Variants in DLG2 observed in about 807,000 individuals in gnomAD.
DLG2 encodes the protein disks large homolog 2.
DLG2 carries 45 observed loss-of-function variants against 132.5 expected under a neutral mutation model. The ratio of observed to expected loss-of-function variants is 0.34; its 90% CI spans 0.27 to 0.44. The LOEUF (loss-of-function observed/expected upper bound fraction) is 0.44, where lower values mean the gene tolerates loss of function less well. Ranked by LOEUF, DLG2 falls within the 20% of genes least tolerant of loss-of-function variation. The pLI, the probability that DLG2 is intolerant of heterozygous loss-of-function variation, is 1.00. For synonymous variants in DLG2, 424 were observed against 419.6 expected (o/e 1.01, Z -0.13); for missense variants, 1,045 against 1,196.9 (o/e 0.87, Z 1.87).
At chr11:84,962,998 C>G (rs1329078496) in intron 6 of DLG2, among the ~76,000 whole-genome samples, 2 of 152,160 alleles carry the variant, frequency 1.3e-5, no homozygotes, top group Admixed American at 1.3e-4. Flanking sequence ...TATCTCTTAT[C>G]CCTTACCTTC....
intron 6 of DLG2, among the ~76,000 whole-genome samples, chr11:84,868,225 T>C (rs1310881893): frequency 1.3e-5 from 2 of 150,758 alleles, no homozygotes; most frequent in Non-Finnish European, 2.9e-5. Context: ...GTTTATTTTA[T>C]TAGGTCTCTT....
chr11:84,269,393 T>C (rs2097690329), intron 7 of DLG2, among the ~76,000 whole-genome samples: 1 of 152,268 alleles, frequency 6.6e-6, no homozygotes, highest in Admixed American at 6.5e-5. Flanking sequence ...CCACTTGGAA[T>C]GTCCTCTTCT....
intron 7 of DLG2, among the ~76,000 whole-genome samples, chr11:84,276,822 C>T (rs2097787509): frequency 6.6e-6 from 1 of 152,172 alleles, no homozygotes; most frequent in Non-Finnish European, 1.5e-5. Context: ...ATGACAATTG[C>T]ACTTCCAGTA....
intron 10 of DLG2, among the ~76,000 whole-genome samples, chr11:84,091,208 T>A (rs1254177906): frequency 6.6e-6 from 1 of 152,236 alleles, no homozygotes; most frequent in East Asian, 1.9e-4. Context: ...AGAAGTTCTA[T>A]CAGAAAATGG....
At chr11:84,001,496 A>G (rs889364857) in intron 11 of DLG2, among the ~76,000 whole-genome samples, 3 of 152,114 alleles carry the variant, frequency 2.0e-5, no homozygotes, top group Admixed American at 6.5e-5. Flanking sequence ...TTCTAATACA[A>G]TAATAGTGGG....
intron 6 of DLG2, among the ~76,000 whole-genome samples, chr11:84,884,827 T>A (rs1257449229): frequency 1.3e-5 from 2 of 152,112 alleles, no homozygotes; most frequent in African/African-American, 2.4e-5. Flanking sequence ...ATTACAACAA[T>A]AAACAATTCA....
intron 7 of DLG2, among the ~76,000 whole-genome samples, chr11:84,401,401 T>G (rs141133952): frequency 6.6e-6 from 1 of 152,122 alleles, no homozygotes; most frequent in Non-Finnish European, 1.5e-5. Context: ...ACCCCTGGAC[T>G]GTCTCTTCAA....
chr11:84,655,513 A>T (rs1036084447), intron 6 of DLG2, among the ~76,000 whole-genome samples: 1 of 152,180 alleles, frequency 6.6e-6, no homozygotes, highest in Non-Finnish European at 1.5e-5. Context: ...AAGCAAAAAA[A>T]ATACTAAGTC....
intron 18 of DLG2, among the ~76,000 whole-genome samples, chr11:83,741,922 C>A (rs895521811): frequency 6.6e-6 from 1 of 151,820 alleles, no homozygotes; most frequent in Non-Finnish European, 1.5e-5. Flanking sequence ...GGCTGAGAAC[C>A]TTTCCCTGAC....
chr11:83,468,819 A>G (rs1322441043), intron 25 of DLG2, among the ~76,000 whole-genome samples: 1 of 152,146 alleles, frequency 6.6e-6, no homozygotes, highest in Admixed American at 6.5e-5. Context: ...CTCTTCTACC[A>G]TGAGGATGTC....
chr11:85,139,125 A>G (rs1366751851), intron 5 of DLG2, among the ~76,000 whole-genome samples: 2 of 152,028 alleles, frequency 1.3e-5, no homozygotes, highest in Non-Finnish European at 2.9e-5. Context: ...TCTCCATTAC[A>G]TCATCCCAGT....
chr11:85,031,784 ATATT>A (rs1232999309), intron 6 of DLG2, among the ~76,000 whole-genome samples: 3 of 151,712 alleles, frequency 2.0e-5, no homozygotes, highest in Admixed American at 1.3e-4. Context: ...GTAGTCATAA[ATATT>A]TATTTATTTA....
At chr11:84,237,392 ATTGTT>A (rs1167983710) in intron 8 of DLG2, among the ~76,000 whole-genome samples, 1 of 152,166 alleles carries the variant, frequency 6.6e-6, no homozygotes, top group Non-Finnish European at 1.5e-5. Context: ...ATAATGCGCT[ATTGTT>A]TATTCGTTCC....
chr11:84,889,489 C>A (rs2154061779), intron 6 of DLG2, among the ~76,000 whole-genome samples: 1 of 152,164 alleles, frequency 6.6e-6, no homozygotes, highest in Admixed American at 6.6e-5. Flanking sequence ...TTCCTACAAA[C>A]AACCATTACT....
chr11:84,123,473 A>G (rs2094020102), intron 9 of DLG2, among the ~76,000 whole-genome samples: 1 of 152,194 alleles, frequency 6.6e-6, no homozygotes, highest in Non-Finnish European at 1.5e-5. Context: ...GCTGAACCCT[A>G]GAATCAAGGT....
intron 4 of DLG2, among the ~76,000 whole-genome samples, chr11:85,243,609 T>C (rs1003841237): frequency 3.9e-5 from 6 of 151,968 alleles, no homozygotes; most frequent in African/African-American, 9.7e-5. Context: ...AAAGCAGCAG[T>C]TGGCCTTACC....
At chr11:84,427,454 C>G (rs778445717) in intron 7 of DLG2, among the ~76,000 whole-genome samples, 9 of 152,092 alleles carry the variant, frequency 5.9e-5, no homozygotes, top group Non-Finnish European at 1.3e-4. Flanking sequence ...TACAGTCTTT[C>G]ACTGCCTTAC....
intron 12 of DLG2, among the ~76,000 whole-genome samples, chr11:83,978,487 G>A (rs2092479088): frequency 6.6e-6 from 1 of 151,986 alleles, no homozygotes; most frequent in Non-Finnish European, 1.5e-5. Context: ...AGTTGTTCAG[G>A]TCTTATACCT....
intron 18 of DLG2, among the ~76,000 whole-genome samples, chr11:83,770,192 C>T (rs1361618993): frequency 1.3e-5 from 2 of 150,632 alleles, no homozygotes; most frequent in Non-Finnish European, 2.9e-5. Context: ...TAAGTTTCTT[C>T]CTGCTCCTTT....
Sources: allele counts gnomAD v4.1 joint callset (sites outside exome capture counted in the v4.1 genomes callset), GRCh38; gene constraint gnomAD v4.1.1; transcripts MANE v1.5; gene names NCBI Gene and HGNC (gene_info 2026-07-23, HGNC 2026-07-21).